Variants in ARPC1A observed in about 807,000 individuals in gnomAD.
ARPC1A encodes actin related protein 2/3 complex subunit 1A.
Under a neutral mutation model 46.9 loss-of-function variants are expected in ARPC1A, and 8 were observed. That is an observed-to-expected ratio of 0.17 (90% CI 0.10 to 0.31). The LOEUF (loss-of-function observed/expected upper bound fraction) is 0.31. ARPC1A is among the 10% of genes least tolerant of loss of function. The probability of loss-of-function intolerance (pLI) is 1.00; values close to 1 mark genes in which losing one functional copy is unlikely to be tolerated. For synonymous variants in ARPC1A, 152 were observed against 169.0 expected (o/e 0.90, Z 0.78); for missense variants, 286 against 483.6 (o/e 0.59, Z 3.83).
chr7:99,331,971 A>G lies in ARPC1A; in HGVS notation c.-29-1354A>G, dbSNP rs141462817. On this transcript the variant is annotated intron_variant, in intron 1 of 9. Coordinates refer to ENST00000262942, the MANE Select transcript of ARPC1A (RefSeq NM_006409.4). ...CTTTCACTTATCAAATTTGGTTTTC[A>G]TAGCTCTCTAGAACAGTTCTCATCC... Among the ~76,000 whole-genome samples, 18 of 152,286 alleles carry G rather than the reference A, an allele frequency of 1.2e-4. No homozygotes were observed. In the East Asian group the frequency reaches 3.5e-3, roughly 29 times the overall value.
intron 4 of ARPC1A, 122 bp downstream of exon 4, chr7:99,344,637 T>G: frequency 9.5e-7 from 1 of 1,048,022 alleles, no homozygotes; most frequent in East Asian, 2.6e-5. Context: ...TCTCTGAAAT[T>G]CTCGATTCTG....
At chr7:99,356,968 C>T (rs948018800) in intron 6 of ARPC1A, among the ~76,000 whole-genome samples, 3 of 152,116 alleles carry the variant, frequency 2.0e-5, no homozygotes, top group East Asian at 1.9e-4. Context: ...GAAGATTTCC[C>T]TACATAAACA....
At chr7:99,348,126 C>T (rs142167680) in intron 4 of ARPC1A, among the ~76,000 whole-genome samples, 168 of 152,256 alleles carry the variant, frequency 1.1e-3, no homozygotes, top group African/African-American at 3.0e-3. Flanking sequence ...TTTGCAGATT[C>T]GTGGAGACTT....
At chr7:99,359,822 C>A in intron 8 of ARPC1A, 84 bp downstream of exon 8, 1 of 1,445,478 alleles carries the variant, frequency 6.9e-7, no homozygotes, top group Non-Finnish European at 9.6e-7. Flanking sequence ...CCTACAAAAG[C>A]TCTATGCCCC....
At chr7:99,359,967 T>C in intron 8 of ARPC1A, 1 of 581,410 alleles carries the variant, frequency 1.7e-6, no homozygotes, top group Non-Finnish European at 3.1e-6. Context: ...AGGTGCAGAT[T>C]ACAAGGCAGC....
chr7:99,359,445 A>G lies in ARPC1A; in HGVS notation c.790-100A>G, dbSNP rs1453960184. On this transcript the variant is annotated intron_variant, in intron 7 of 9. Transcript: ENST00000262942. ...AGCAAGACTCGGTCTCAAAAAAAAAAAAAAAAAAGAGTAAGAGAGGCCTGT... is the reference window on the plus strand; with the variant it reads ...AGCAAGACTCGGTCTCAAAAAAAAAGAAAAAAAAGAGTAAGAGAGGCCTGT... 17 of 1,258,026 alleles carry G rather than the reference A, an allele frequency of 1.4e-5. No homozygotes were observed. In the Admixed American group the frequency reaches 3.4e-4, roughly 25 times the overall value. 77.9% of individuals were successfully genotyped at this position (1,258,026 alleles called of 1,614,324 possible). A position where few individuals can be genotyped will look rare whatever the true frequency, so the allele number is the denominator to read the frequency against.
In ARPC1A at chr7:99,366,024, C is replaced by G. The variant is rs1235474755; in HGVS notation, c.*95C>G. The G allele has an allele frequency of 1.4e-6, 2 of 1,414,408 alleles. No homozygotes were observed. Among genetic ancestry groups the G allele is most frequent in the African/African-American group, 1.4e-5 (1 of 70,108 alleles). The allele number at this position is 1,414,408 out of a possible 1,614,324, so 87.6% of individuals were successfully genotyped here. On this transcript the variant is annotated 3_prime_UTR_variant, in exon 10 of 10. Coordinates refer to ENST00000262942, the MANE Select transcript of ARPC1A (RefSeq NM_006409.4). ...CGAGGAAGCCAGCCCCAAGGAAACA[C>G]TGAAAACACATATCACGCCAATGCC...
chr7:99,349,202 C>T (rs1239748331), intron 5 of ARPC1A, among the ~76,000 whole-genome samples: 4 of 151,986 alleles, frequency 2.6e-5, no homozygotes, highest in Admixed American at 2.6e-4. Context: ...AGGTATATGC[C>T]ACCACACCTG....
intron 1 of ARPC1A, among the ~76,000 whole-genome samples, chr7:99,326,965 T>C (rs1477930749): frequency 6.6e-6 from 1 of 152,222 alleles, no homozygotes; most frequent in Non-Finnish European, 1.5e-5. Flanking sequence ...GAATCTTTGA[T>C]TATAAAGCCA....
intron 6 of ARPC1A, among the ~76,000 whole-genome samples, chr7:99,357,779 TACAC>T (rs1793665240): frequency 6.6e-6 from 1 of 152,202 alleles, no homozygotes; most frequent in Non-Finnish European, 1.5e-5. Context: ...CAGGCACACA[TACAC>T]ACACATGGCC....
At chr7:99,357,278 C>T (rs1793652292) in intron 6 of ARPC1A, among the ~76,000 whole-genome samples, 1 of 152,162 alleles carries the variant, frequency 6.6e-6, no homozygotes, top group African/African-American at 2.4e-5. Context: ...GTATACCGCA[C>T]TAAGGGCTTA....
chr7:99,328,029 T>C (rs993177050), intron 1 of ARPC1A, among the ~76,000 whole-genome samples: 2 of 152,126 alleles, frequency 1.3e-5, no homozygotes, highest in African/African-American at 4.8e-5. Flanking sequence ...TATGTCAACG[T>C]TTCCAAGCTC....
intron 4 of ARPC1A, 95 bp from the exon 5 acceptor site, chr7:99,348,757 T>C (rs1793503515): frequency 2.7e-6 from 2 of 750,458 alleles, no homozygotes; most frequent in Non-Finnish European, 4.2e-6. Context: ...AGGAAAAGTG[T>C]GGCCTACTTA....
intron 6 of ARPC1A, among the ~76,000 whole-genome samples, chr7:99,358,074 G>A (rs972532358): frequency 9.9e-5 from 15 of 152,198 alleles, no homozygotes; most frequent in African/African-American, 2.9e-4. Flanking sequence ...GAGCTGTGCT[G>A]GGGGTGGAAG....
At chr7:99,353,547 G>A (rs143603008) in intron 5 of ARPC1A, among the ~76,000 whole-genome samples, 43 of 150,730 alleles carry the variant, frequency 2.9e-4, no homozygotes, top group Non-Finnish European at 5.0e-4. Context: ...GCGTGATCTC[G>A]GCTCACTGCA....
intron 5 of ARPC1A, among the ~76,000 whole-genome samples, chr7:99,350,320 T>C (rs1251202619): frequency 6.6e-6 from 1 of 152,204 alleles, no homozygotes; most frequent in African/African-American, 2.4e-5. Flanking sequence ...TCTCATTTCA[T>C]ATTCCAGGCA....
At chr7:99,354,578 T>G (rs1322912001) in intron 6 of ARPC1A, among the ~76,000 whole-genome samples, 1 of 149,308 alleles carries the variant, frequency 6.7e-6, no homozygotes, top group Non-Finnish European at 1.5e-5. Context: ...CAGGCCTCAG[T>G]GGCTCACGCC....
At position 99,366,131 on chromosome 7, in the gene ARPC1A, T is replaced by G. The variant is rs942773767; in HGVS notation, c.*202T>G. 8.1e-6 allele frequency: 5 copies of G among 614,944 alleles called. No individual in the cohort carries two copies. In the African/African-American group the frequency reaches 9.3e-5, roughly 11 times the overall value. 38.1% of individuals were successfully genotyped at this position (614,944 alleles called of 1,614,324 possible). Reference sequence around the variant, plus strand: ...ATTTTTTTGTTTGTTTTTTTGCGATTTCATTCCATTCTTGACCAAAGCTTC... The same window carrying G: ...ATTTTTTTGTTTGTTTTTTTGCGATGTCATTCCATTCTTGACCAAAGCTTC... On this transcript the variant is annotated 3_prime_UTR_variant, in exon 10 of 10. Transcript: ENST00000262942.
intron 5 of ARPC1A, among the ~76,000 whole-genome samples, chr7:99,350,002 C>T (rs1010952619): frequency 6.6e-6 from 1 of 152,120 alleles, no homozygotes; most frequent in Non-Finnish European, 1.5e-5. Flanking sequence ...CAGAGTAAGA[C>T]TCCATCTCAA....
Sources: allele counts gnomAD v4.1 joint callset (sites outside exome capture counted in the v4.1 genomes callset), GRCh38; gene constraint gnomAD v4.1.1; transcripts MANE v1.5; gene names NCBI Gene and HGNC (gene_info 2026-07-23, HGNC 2026-07-21).